HOMER2: variants seen among roughly 807,000 people sequenced by gnomAD.
The protein encoded by HOMER2 is homer protein homolog 2.
In HOMER2, 27 loss-of-function variants were observed where a neutral mutation model predicts 47.0. The ratio of observed to expected loss-of-function variants is 0.57; its 90% CI spans 0.42 to 0.79. HOMER2 has a LOEUF of 0.79. Ranked by LOEUF, HOMER2 falls within the 30% of genes least tolerant of loss-of-function variation. The probability of loss-of-function intolerance (pLI) is 0.00; values close to 1 mark genes in which losing one functional copy is unlikely to be tolerated. For synonymous variants in HOMER2, 161 were observed against 163.8 expected (o/e 0.98, Z 0.13); for missense variants, 443 against 435.0 (o/e 1.02, Z -0.16).
intron 4 of HOMER2, among the ~76,000 whole-genome samples, chr15:82,861,721 C>T (rs139798991): frequency 6.6e-6 from 1 of 152,032 alleles, no homozygotes; most frequent in African/African-American, 2.4e-5. Flanking sequence ...AAAAAGCATA[C>T]AAGGGCCGGG....
chr15:82,943,313 G>A (rs2054303689), intron 1 of HOMER2, among the ~76,000 whole-genome samples: 1 of 152,184 alleles, frequency 6.6e-6, no homozygotes, highest in Non-Finnish European at 1.5e-5. Context: ...TGCTTAACCA[G>A]CCTTCCCAGC....
chr15:82,947,026 C>T (rs1283274055), intron 1 of HOMER2, among the ~76,000 whole-genome samples: 1 of 152,220 alleles, frequency 6.6e-6, no homozygotes, highest in African/African-American at 2.4e-5. Flanking sequence ...GTTTATCTCC[C>T]TTTTCAAAAT....
chr15:82,852,231 A>G lies in HOMER2; in HGVS notation c.673T>C (p.Cys225Arg), dbSNP rs2051420230. 1 of 1,613,726 alleles carries G rather than the reference A, an allele frequency of 6.2e-7. No individual in the cohort carries two copies. Among genetic ancestry groups the G allele is most frequent in the East Asian group, 2.2e-5 (1 of 44,884 alleles). Residue 225 changes from cysteine to arginine, a missense_variant, in exon 7 of 9, where the codon TGC (cysteine) becomes CGC (arginine). Physicochemically the swap from Cys to Arg is radical, Grantham distance 180. Transcript: ENST00000450735. ...RNKIDELEEQ[C>R]SEINREKEKN... is the part of the protein sequence containing the mutation. ...TCCTTCTCTCTGTTGATCTCACTGC[A>G]TTGTTCTTCCAGCTCATCAATCTTC...
chr15:82,840,953 CT>C (rs1328162133), exon 2 of HOMER2: 4 of 151,832 alleles, frequency 2.6e-5, no homozygotes, highest in Admixed American at 2.6e-4. Flanking sequence ...TTCCCAAGTT[CT>C]TTTTAATTTT....
chr15:82,907,500 CAAGA>C (rs952373913), intron 1 of HOMER2, among the ~76,000 whole-genome samples: 12 of 147,896 alleles, frequency 8.1e-5, no homozygotes, highest in Admixed American at 6.1e-4. Flanking sequence ...GGAAAGAAAG[CAAGA>C]AGGAAGGAAG....
At chr15:82,901,080 C>G (rs17841162) in intron 1 of HOMER2, among the ~76,000 whole-genome samples, 15,447 of 152,106 alleles carry the variant, frequency 0.1, 911 homozygotes, top group East Asian at 0.22. Context: ...CTCCTATTGG[C>G]CCTCCTGAGA....
At chr15:82,862,703 G>A (rs1385748007) in intron 4 of HOMER2, among the ~76,000 whole-genome samples, 2 of 152,188 alleles carry the variant, frequency 1.3e-5, no homozygotes, top group Admixed American at 6.5e-5. Context: ...GAAAGTTCCT[G>A]TCTACCTGAA....
At chr15:82,865,857 T>C (rs2051947536) in intron 3 of HOMER2, among the ~76,000 whole-genome samples, 1 of 152,208 alleles carries the variant, frequency 6.6e-6, no homozygotes, top group Admixed American at 6.5e-5. Context: ...AACCTCTGCC[T>C]AGATTTCAGA....
At chr15:82,934,097 G>A (rs12442894) in intron 1 of HOMER2, among the ~76,000 whole-genome samples, 30,000 of 152,028 alleles carry the variant, frequency 0.2, 3,160 homozygotes, top group Non-Finnish European at 0.22. Flanking sequence ...CTGGAAACCA[G>A]TGAGTCCCTG....
exon 2 of HOMER2, chr15:82,840,515 A>G (rs1466626925): frequency 6.6e-6 from 1 of 152,166 alleles, no homozygotes; most frequent in Non-Finnish European, 1.5e-5. Context: ...TGTCCCAGGC[A>G]TGCTCACGGC....
chr15:82,864,134 C>CA (rs764645031), intron 4 of HOMER2, 33 bp downstream of exon 4: 1 of 1,414,826 alleles, frequency 7.1e-7, no homozygotes, highest in African/African-American at 1.4e-5. Context: ...TCACCAACCC[C>CA]ACTGGGATTT....
At chr15:82,959,154 C>T (rs563143141) in exon 2 of HOMER2, 3 of 152,554 alleles carry the variant, frequency 2.0e-5, no homozygotes, top group Non-Finnish European at 4.4e-5. Flanking sequence ...TAAGCCTCGC[C>T]GTGTCTGACT....
intron 2 of HOMER2, among the ~76,000 whole-genome samples, chr15:82,880,648 C>T (rs937808104): frequency 1.3e-5 from 2 of 152,170 alleles, no homozygotes; most frequent in African/African-American, 4.8e-5. Context: ...TAGTATCCTT[C>T]CCGCCCATGG....
rs2053512397 is a variant in HOMER2, at chr15:82,913,906, C to T, written c.6-21065G>A. 6.6e-6 allele frequency among the ~76,000 whole-genome samples: 1 copy of T among 152,092 alleles called. No individual in the cohort carries two copies. The highest frequency in any genetic ancestry group is 6.5e-5 in the Admixed American group (1 of 15,282). ...ATACCCAAAAGCATTGAAAGCAGAC[C>T]CAAACAGCTACTTGTATGCCCAGGT... On this transcript the variant is annotated intron_variant, in intron 1 of 8. Transcript: ENST00000450735. The surrounding 1 kb of genome is among the most constrained non-coding windows in gnomAD (Gnocchi z 4.1).
intron 1 of HOMER2, among the ~76,000 whole-genome samples, chr15:82,965,348 G>A (rs758296055): frequency 2.0e-5 from 3 of 152,010 alleles, no homozygotes; most frequent in Non-Finnish European, 2.9e-5. Flanking sequence ...GAATTTATTC[G>A]CAATTAAACC....
chr15:82,894,579 A>G (rs940391213), intron 1 of HOMER2, among the ~76,000 whole-genome samples: 2 of 151,548 alleles, frequency 1.3e-5, no homozygotes, highest in Admixed American at 6.6e-5. Flanking sequence ...GCTGAGGCAG[A>G]AGAATGGCGT....
At chr15:82,898,567 GAATA>G (rs1370093630) in intron 1 of HOMER2, 2 of 152,178 alleles carry the variant, frequency 1.3e-5, no homozygotes, top group African/African-American at 4.8e-5. Context: ...CTTTAGAGCT[GAATA>G]AACACCAATT....
intron 1 of HOMER2, among the ~76,000 whole-genome samples, chr15:82,893,552 C>T (rs1289385735): frequency 6.6e-6 from 1 of 151,150 alleles, no homozygotes; most frequent in Non-Finnish European, 1.5e-5. Flanking sequence ...GGGCTGGTCT[C>T]GAACTCCTGA....
At chr15:82,856,845 G>T (rs2051603878) in intron 5 of HOMER2, among the ~76,000 whole-genome samples, 1 of 152,172 alleles carries the variant, frequency 6.6e-6, no homozygotes, top group Non-Finnish European at 1.5e-5. Flanking sequence ...TCTGGCTGTG[G>T]AAGGGGACAG....
Sources: allele counts gnomAD v4.1 joint callset (sites outside exome capture counted in the v4.1 genomes callset), GRCh38; gene constraint gnomAD v4.1.1; non-coding constraint Gnocchi (gnomAD v3.1); transcripts MANE v1.5; gene names NCBI Gene and HGNC (gene_info 2026-07-23, HGNC 2026-07-21).